Variants in NHERF1 observed in about 807,000 individuals in gnomAD.
NHERF1 encodes the protein Na(+)/H(+) exchange regulatory cofactor NHE-RF1.
the NHERF1 span, chr17:74,761,956 G>A: frequency 5.0e-6 from 8 of 1,593,384 alleles, no homozygotes; most frequent in South Asian, 8.8e-5. This position sits in a 1 kb window ranked among gnomAD's most constrained non-coding sequence, Gnocchi z 4.3. Flanking sequence ...AGAGGACAGG[G>A]AAGGCAGAAC....
the NHERF1 span, among the ~76,000 whole-genome samples, chr17:74,753,938 G>A: frequency 1.3e-5 from 2 of 151,814 alleles, no homozygotes; most frequent in African/African-American, 4.8e-5. Context: ...ATCAGTTGAG[G>A]TCAGGAGTTG....
At chr17:74,769,012 T>A in the NHERF1 span, 1 of 298,034 alleles carries the variant, frequency 3.4e-6, no homozygotes, top group Non-Finnish European at 6.4e-6. Flanking sequence ...GATAAATGGG[T>A]CCAGGGCTGA....
At chr17:74,752,109 A>G in the NHERF1 span, among the ~76,000 whole-genome samples, 9 of 152,286 alleles carry the variant, frequency 5.9e-5, no homozygotes, top group African/African-American at 2.2e-4. Context: ...GCACACAGTC[A>G]GTGCCTGATC....
chr17:74,761,917 C>T, the NHERF1 span: 3 of 1,382,990 alleles, frequency 2.2e-6, no homozygotes, highest in Non-Finnish European at 3.1e-6. The surrounding 1 kb of genome is among the most constrained non-coding windows in gnomAD (Gnocchi z 4.3). Flanking sequence ...CCTCCCAAAC[C>T]TTCCTTGGTT....
At chr17:74,754,019 C>T in the NHERF1 span, among the ~76,000 whole-genome samples, 3 of 152,076 alleles carry the variant, frequency 2.0e-5, no homozygotes, top group South Asian at 6.2e-4. Flanking sequence ...CAAAAATTAG[C>T]GAGGCGTGGT....
the NHERF1 span, chr17:74,748,652 G>A: frequency 1.8e-6 from 1 of 569,596 alleles, no homozygotes; most frequent in Non-Finnish European, 3.1e-6. The surrounding 1 kb of genome is among the most constrained non-coding windows in gnomAD (Gnocchi z 4.3). Context: ...GCGGGGATTG[G>A]TCTGTGGTCC....
At chr17:74,764,322 G>A in the NHERF1 span, among the ~76,000 whole-genome samples, 2 of 152,178 alleles carry the variant, frequency 1.3e-5, no homozygotes, top group Non-Finnish European at 2.9e-5. The surrounding 1 kb of genome is among the most constrained non-coding windows in gnomAD (Gnocchi z 4.9). Context: ...GACTCCCATC[G>A]CCAGCTGCAA....
the NHERF1 span, among the ~76,000 whole-genome samples, chr17:74,750,617 C>T: frequency 1.3e-5 from 2 of 152,184 alleles, no homozygotes; most frequent in Admixed American, 6.5e-5. Flanking sequence ...ATCTGAGCAC[C>T]CGGAGCAAGG....
At chr17:74,768,140 C>T in the NHERF1 span, 1 of 1,603,280 alleles carries the variant, frequency 6.2e-7, no homozygotes, top group South Asian at 1.1e-5. Context: ...CCTCTCCTCT[C>T]TGCCAGGAGA....
chr17:74,749,091 C>T, the NHERF1 span: 7 of 1,586,744 alleles, frequency 4.4e-6, no homozygotes, highest in Non-Finnish European at 5.1e-6. The surrounding 1 kb of genome is among the most constrained non-coding windows in gnomAD (Gnocchi z 5.6). Context: ...ATCCGCGCCG[C>T]ACTCAACGCC....
the NHERF1 span, chr17:74,748,907 C>G: frequency 6.2e-7 from 1 of 1,600,582 alleles, no homozygotes. The surrounding 1 kb of genome is among the most constrained non-coding windows in gnomAD (Gnocchi z 4.3). Flanking sequence ...GGAGAAGGGT[C>G]CGAACGGCTA....
At chr17:74,749,238 C>T in the NHERF1 span, 4 of 1,528,994 alleles carry the variant, frequency 2.6e-6, no homozygotes, top group Non-Finnish European at 3.5e-6. The surrounding 1 kb of genome is among the most constrained non-coding windows in gnomAD (Gnocchi z 5.6). Flanking sequence ...GTGCAGGGGG[C>T]TGGCAACGAA....
chr17:74,755,834 A>G, the NHERF1 span, among the ~76,000 whole-genome samples: 1 of 152,168 alleles, frequency 6.6e-6, no homozygotes, highest in Non-Finnish European at 1.5e-5. Context: ...CCAGATTTTG[A>G]AGCCATTGTA....
At chr17:74,752,542 C>T in the NHERF1 span, among the ~76,000 whole-genome samples, 5 of 152,042 alleles carry the variant, frequency 3.3e-5, no homozygotes, top group Non-Finnish European at 7.4e-5. Flanking sequence ...TCCACCCAGG[C>T]TGGAGTGGTG....
the NHERF1 span, among the ~76,000 whole-genome samples, chr17:74,764,043 T>TC: frequency 6.6e-5 from 10 of 151,744 alleles, no homozygotes; most frequent in African/African-American, 2.4e-4. This position sits in a 1 kb window ranked among gnomAD's most constrained non-coding sequence, Gnocchi z 4.9. Context: ...GCCCTCCCCA[T>TC]CCCCCACCAT....
At chr17:74,756,215 C>G in the NHERF1 span, among the ~76,000 whole-genome samples, 1 of 150,592 alleles carries the variant, frequency 6.6e-6, no homozygotes, top group South Asian at 2.1e-4. Context: ...TCCCAAAATG[C>G]TGGGATTACA....
chr17:74,760,056 C>A, the NHERF1 span, among the ~76,000 whole-genome samples: 1 of 152,202 alleles, frequency 6.6e-6, no homozygotes, highest in Non-Finnish European at 1.5e-5. This position sits in a 1 kb window ranked among gnomAD's most constrained non-coding sequence, Gnocchi z 4.5. Flanking sequence ...CTGGCTGAAG[C>A]AGAAAGCTGC....
chr17:74,766,508 A>T, the NHERF1 span, among the ~76,000 whole-genome samples: 80 of 151,814 alleles, frequency 5.3e-4, no homozygotes, highest in African/African-American at 1.8e-3. Flanking sequence ...TGGCCCAGAC[A>T]TTTTTTTGTT....
the NHERF1 span, chr17:74,768,637 A>T: frequency 1.2e-6 from 2 of 1,613,966 alleles, no homozygotes; most frequent in South Asian, 2.2e-5. Context: ...AAGAAAAACG[A>T]ACTCTTCAGC....
Sources: gnomAD v4.1 joint callset for allele counts (sites outside exome capture counted in the v4.1 genomes callset) on GRCh38, gnomAD v4.1.1 for gene constraint, Gnocchi (gnomAD v3.1) non-coding constraint, MANE v1.5 for transcripts, NCBI Gene and HGNC (gene_info 2026-07-23, HGNC 2026-07-21) for gene names.